KIAA1217: variants seen among roughly 807,000 people sequenced by gnomAD.
KIAA1217 encodes sickle tail protein homolog.
KIAA1217 carries 88 observed loss-of-function variants against 163.9 expected under a neutral mutation model. The observed-to-expected ratio is 0.54, with a 90% CI of 0.45 to 0.64. KIAA1217 has a LOEUF of 0.64. Among genes scored for constraint, KIAA1217 ranks in the 30% least tolerant of loss-of-function variants. KIAA1217 has a pLI of 0.00. For synonymous variants in KIAA1217, 903 were observed against 923.1 expected (o/e 0.98, Z 0.39); for missense variants, 2,372 against 2,475.0 (o/e 0.96, Z 0.88).
rs200465739 is a variant in KIAA1217, at chr10:24,209,197, G to A, written c.4G>A (p.Glu2Lys). The change falls in exon 1 of 21, where the codon GAA (glutamate) becomes AAA (lysine). Residue 2 changes from glutamate to lysine, a missense_variant. Glu to Lys is a moderately conservative substitution (Grantham distance 56). Coordinates refer to ENST00000376454, the MANE Select transcript of KIAA1217 (RefSeq NM_019590.5). ...GCTTTTGCGGCAGGCAGAGACAATGGAAGAAAATGAAAGCCAGAAATGTGA... is the reference window on the plus strand; with the variant it reads ...GCTTTTGCGGCAGGCAGAGACAATGAAAGAAAATGAAAGCCAGAAATGTGA... M[E>K]ENESQKCEPC... 3 of 1,613,838 alleles carry A rather than the reference G, an allele frequency of 1.9e-6. No individual in the cohort carries two copies. Among genetic ancestry groups the A allele is most frequent in the East Asian group, 2.2e-5 (1 of 44,860 alleles).
At chr10:24,478,951 A>T (rs2064339225) in intron 6 of KIAA1217, among the ~76,000 whole-genome samples, 1 of 152,170 alleles carries the variant, frequency 6.6e-6, no homozygotes, top group Admixed American at 6.6e-5. Context: ...CTCCAAATTG[A>T]TTTTTCAGGA....
At chr10:23,930,913 G>C (rs1843228813) in intron 1 of KIAA1217, among the ~76,000 whole-genome samples, 1 of 151,874 alleles carries the variant, frequency 6.6e-6, no homozygotes, top group Admixed American at 6.6e-5. Context: ...GCCTCCCCTT[G>C]GTCTCCTGAA....
intron 1 of KIAA1217, among the ~76,000 whole-genome samples, chr10:23,879,253 G>A (rs1840841870): frequency 6.6e-6 from 1 of 151,868 alleles, no homozygotes; most frequent in South Asian, 2.1e-4. Flanking sequence ...CCTCCCGGAT[G>A]ATTCTTATCT....
At chr10:23,790,398 T>C (rs1209047256) in intron 1 of KIAA1217, among the ~76,000 whole-genome samples, 1 of 106,742 alleles carries the variant, frequency 9.4e-6, no homozygotes, top group East Asian at 3.0e-4. Flanking sequence ...TATGTATATA[T>C]ACATATATAC....
intron 1 of KIAA1217, among the ~76,000 whole-genome samples, chr10:23,912,154 A>G (rs1842459812): frequency 6.6e-6 from 1 of 152,096 alleles, no homozygotes; most frequent in African/African-American, 2.4e-5. Context: ...GAAGTAAAAC[A>G]TTGACCTAAA....
At chr10:23,991,632 A>G (rs1444148218) in intron 1 of KIAA1217, among the ~76,000 whole-genome samples, 2 of 152,222 alleles carry the variant, frequency 1.3e-5, no homozygotes, top group East Asian at 1.9e-4. Context: ...CATAGATTCT[A>G]TATCTAGATA....
At position 24,182,437 on chromosome 10, in the gene KIAA1217, A is replaced by ACC. The variant is rs755699331; in HGVS notation, c.-170-37189_-170-37188insCC. Among the ~76,000 whole-genome samples, 111 of 108,678 alleles carry ACC rather than the reference A, an allele frequency of 1.0e-3. 1 individual carries two copies. In the East Asian group the frequency reaches 0.02, roughly 19 times the overall value. 71.3% of individuals were successfully genotyped at this position (108,678 alleles called of 152,430 possible). A position where few individuals can be genotyped will look rare whatever the true frequency, so the allele number is the denominator to read the frequency against. On this transcript the variant is annotated intron_variant, in intron 2 of 18. Coordinates refer to the KIAA1217 transcript ENST00000376462. ...AACCTGGATGACAGAGCAAGACTCCATCACACACACACACACACACACACA... is the reference window on the plus strand; with the variant it reads ...AACCTGGATGACAGAGCAAGACTCCACCTCACACACACACACACACACACACA...
At chr10:24,228,400 G>C (rs1255216442) in intron 2 of KIAA1217, among the ~76,000 whole-genome samples, 1 of 151,678 alleles carries the variant, frequency 6.6e-6, no homozygotes, top group African/African-American at 2.4e-5. Flanking sequence ...CATTACTTTT[G>C]CACCAACCTA....
At chr10:23,718,111 A>G (rs925965336) in intron 1 of KIAA1217, among the ~76,000 whole-genome samples, 6 of 152,180 alleles carry the variant, frequency 3.9e-5, no homozygotes, top group Non-Finnish European at 8.8e-5. Flanking sequence ...AGTTGGTGCA[A>G]AAGTTATTGC....
At chr10:23,981,555 A>C (rs1564584264) in intron 1 of KIAA1217, among the ~76,000 whole-genome samples, 1 of 152,230 alleles carries the variant, frequency 6.6e-6, no homozygotes, top group East Asian at 1.9e-4. Context: ...GGTAATAATA[A>C]GCTAAAAAAT....
At chr10:24,495,085 TAAAA>T (rs71506836) in intron 7 of KIAA1217, 58 bp from the exon 8 acceptor site, 482 of 1,232,550 alleles carry the variant, frequency 3.9e-4, no homozygotes, top group South Asian at 1.3e-3. Context: ...GAATGGGCTT[TAAAA>T]AAAAAAAAAA....
intron 2 of KIAA1217, among the ~76,000 whole-genome samples, chr10:24,340,157 G>A (rs2046892902): frequency 6.6e-6 from 1 of 152,132 alleles, no homozygotes; most frequent in South Asian, 2.1e-4. Flanking sequence ...CCTTTGGAGG[G>A]GTGTGAATCT....
intron 2 of KIAA1217, among the ~76,000 whole-genome samples, chr10:24,106,743 C>T (rs1162646729): frequency 6.6e-6 from 1 of 152,166 alleles, no homozygotes; most frequent in Non-Finnish European, 1.5e-5. Flanking sequence ...TCAACTGTCT[C>T]ATCCATTTTC....
intron 3 of KIAA1217, among the ~76,000 whole-genome samples, chr10:24,393,838 G>A (rs2055334604): frequency 6.6e-6 from 1 of 152,148 alleles, no homozygotes; most frequent in Non-Finnish European, 1.5e-5. Flanking sequence ...AAATAACTCT[G>A]TTGTTTAAGC....
chr10:24,005,956 G>T (rs1564604752), intron 1 of KIAA1217, among the ~76,000 whole-genome samples: 1 of 152,148 alleles, frequency 6.6e-6, no homozygotes, highest in Non-Finnish European at 1.5e-5. Context: ...GCTTCATGTT[G>T]TTGGTAAAGA....
intron 2 of KIAA1217, among the ~76,000 whole-genome samples, chr10:24,246,124 A>G (rs1046279661): frequency 3.3e-5 from 5 of 152,172 alleles, no homozygotes; most frequent in Admixed American, 2.0e-4. Flanking sequence ...AAGTTTTAAG[A>G]CTACTGAAGA....
chr10:24,036,459 AT>A (rs983757587), intron 2 of KIAA1217, among the ~76,000 whole-genome samples: 1 of 152,218 alleles, frequency 6.6e-6, no homozygotes, highest in Non-Finnish European at 1.5e-5. Flanking sequence ...TGGCAGCTGC[AT>A]TTGGAACAGG....
rs1335682823 is a variant in KIAA1217, at chr10:24,531,856, T to C, written c.3109T>C (p.Leu1037=). 1 of 1,605,328 alleles carries C rather than the reference T, an allele frequency of 6.2e-7. No individual in the cohort carries two copies. Among genetic ancestry groups the C allele is most frequent in the South Asian group, 1.1e-5 (1 of 89,562 alleles). ...SEDSPNSEQD[L]EKLGGKSPPP... ...AGATTCTCCAAATTCGGAACAGGAC[T>C]TGGAAAAGCTGGGGGGAAAGTCGCC... Residue 1037 remains leucine, a synonymous_variant, in exon 15 of 21, where the codon TTG becomes CTG. Transcript: ENST00000376454.
chr10:24,371,253 C>T (rs2051604595), intron 2 of KIAA1217, among the ~76,000 whole-genome samples: 1 of 152,126 alleles, frequency 6.6e-6, no homozygotes. Context: ...ATAAGAACCC[C>T]TGTCTCCTCT....
Sources: gnomAD v4.1 joint callset for allele counts (sites outside exome capture counted in the v4.1 genomes callset) on GRCh38, gnomAD v4.1.1 for gene constraint, MANE v1.5 for transcripts, NCBI Gene and HGNC (gene_info 2026-07-23, HGNC 2026-07-21) for gene names.